RBFOX1: variants seen among roughly 807,000 people sequenced by gnomAD.
RBFOX1 encodes RNA binding fox-1 homolog 1, also known as RNA binding protein fox-1 homolog 1.
A neutral mutation model predicts 57.7 loss-of-function variants in RBFOX1; 8 were observed. The observed-to-expected ratio is 0.14, with a 90% CI of 0.08 to 0.25. RBFOX1 has a LOEUF of 0.25. Among genes scored for constraint, RBFOX1 ranks in the 10% least tolerant of loss-of-function variants. RBFOX1 has a pLI of 1.00. For synonymous variants in RBFOX1, 326 were observed against 222.4 expected (o/e 1.47, Z -4.15); for missense variants, 611 against 548.5 (o/e 1.11, Z -1.14).
chr16:6,293,901 G>T lies in RBFOX1; in HGVS notation c.-126-23094G>T, dbSNP rs56075006. Among the ~76,000 whole-genome samples, 98 of 17,618 alleles carry T rather than the reference G, an allele frequency of 5.6e-3. 1 individual carries two copies. The East Asian group carries it at 0.091, about 16-fold the overall frequency. The allele number at this position is 17,618 out of a possible 152,430, so 11.6% of individuals were successfully genotyped here. A position where few individuals can be genotyped will look rare whatever the true frequency, so the allele number is the denominator to read the frequency against. On this transcript the variant is annotated intron_variant, in intron 1 of 15. Transcript: ENST00000550418. ...CTCAGAATTCCAGGGTGAGCGGGGG[G>T]GTGGTGGAAATAGACGAATTGCAGG...
intron 3 of RBFOX1, among the ~76,000 whole-genome samples, chr16:6,660,482 G>A (rs79299055): frequency 1.6e-4 from 25 of 152,192 alleles, no homozygotes; most frequent in African/African-American, 5.8e-4. Context: ...TATTCAGGAC[G>A]TATCATGAGG....
intron 4 of RBFOX1, among the ~76,000 whole-genome samples, chr16:7,111,573 G>C (rs9925782): frequency 0.48 from 72,377 of 151,738 alleles, 17,815 homozygotes; most frequent in South Asian, 0.65. Context: ...AGCTTATCCT[G>C]TGTGTTTTAA....
At chr16:7,277,948 CAA>C (rs36027319) in intron 4 of RBFOX1, among the ~76,000 whole-genome samples, 302 of 134,352 alleles carry the variant, frequency 2.2e-3, no homozygotes, top group Middle Eastern at 7.9e-3. Context: ...AAATGATTAG[CAA>C]AAAAAAAAAA....
At chr16:7,696,525 T>TCTGCAGTCCGACC (rs2078848693) in intron 14 of RBFOX1, among the ~76,000 whole-genome samples, 1 of 152,126 alleles carries the variant, frequency 6.6e-6, no homozygotes, top group African/African-American at 2.4e-5. Flanking sequence ...AGCAAGTTAC[T>TCTGCAGTCCGACC]TAATCAGTGA....
At chr16:5,978,983 A>C (rs1162281336) in intron 4 of RBFOX1, among the ~76,000 whole-genome samples, 1 of 152,126 alleles carries the variant, frequency 6.6e-6, no homozygotes, top group Admixed American at 6.5e-5. Context: ...TAAATTAATG[A>C]GTTATGGTGC....
intron 1 of RBFOX1, among the ~76,000 whole-genome samples, chr16:6,231,239 G>GT (rs1555566198): frequency 6.0e-5 from 9 of 149,330 alleles, no homozygotes; most frequent in Middle Eastern, 3.4e-3. Flanking sequence ...TGTGTGTGTA[G>GT]GTGTGTGTGT....
chr16:5,810,922 G>T (rs796092777), intron 3 of RBFOX1, among the ~76,000 whole-genome samples: 16 of 152,210 alleles, frequency 1.1e-4, no homozygotes, highest in African/African-American at 3.9e-4. Context: ...GAGTAAAATT[G>T]GGTAAGTATT....
At chr16:7,212,797 C>G (rs548518431) in intron 4 of RBFOX1, among the ~76,000 whole-genome samples, 11 of 152,258 alleles carry the variant, frequency 7.2e-5, no homozygotes, top group African/African-American at 2.4e-4. Context: ...TGTAACAAAC[C>G]TGCATGTTCT....
At chr16:7,049,190 A>G (rs554773989) in intron 3 of RBFOX1, among the ~76,000 whole-genome samples, 26 of 152,280 alleles carry the variant, frequency 1.7e-4, no homozygotes, top group Non-Finnish European at 2.9e-4. Flanking sequence ...CCACCCAGAA[A>G]GCTGGTGGTT....
intron 7 of RBFOX1, among the ~76,000 whole-genome samples, chr16:7,593,334 G>A (rs1423425561): frequency 6.6e-6 from 1 of 152,140 alleles, no homozygotes; most frequent in Non-Finnish European, 1.5e-5. Flanking sequence ...CCAAGAGTTA[G>A]AACTGTCAAA....
At chr16:5,509,119 A>T (rs762336787) in intron 2 of RBFOX1, among the ~76,000 whole-genome samples, 2 of 152,310 alleles carry the variant, frequency 1.3e-5, no homozygotes, top group East Asian at 1.9e-4. Context: ...ACAGTGTGAG[A>T]TGTAGACATG....
chr16:5,953,028 T>G (rs1178417606), intron 4 of RBFOX1, among the ~76,000 whole-genome samples: 2 of 149,628 alleles, frequency 1.3e-5, no homozygotes, highest in East Asian at 4.0e-4. Context: ...CCAGCCTGGC[T>G]ACATGGTAGA....
intron 3 of RBFOX1, among the ~76,000 whole-genome samples, chr16:7,005,257 A>C (rs984773360): frequency 3.3e-5 from 5 of 152,098 alleles, no homozygotes; most frequent in Non-Finnish European, 7.4e-5. Flanking sequence ...CTTTCCCCTT[A>C]CCTTTCAAGA....
chr16:6,042,508 C>G (rs1173087622), intron 1 of RBFOX1, among the ~76,000 whole-genome samples: 1 of 152,104 alleles, frequency 6.6e-6, no homozygotes, highest in Non-Finnish European at 1.5e-5. Context: ...AATCCATCTG[C>G]AAACTTAATT....
Position 6,824,998 on chromosome 16 carries a change from T to G in RBFOX1, c.-16+170348T>G, listed in dbSNP as rs1243193652. ...TTCTTTCTTGGTTTTTTTTTTTTTT[T>G]TTTTTTTTTTTTTTTTGAGACGGCG... On this transcript the variant is annotated intron_variant, in intron 3 of 15. Transcript: ENST00000550418. Among the ~76,000 whole-genome samples the G allele has an allele frequency of 9.8e-4, 110 of 111,696 alleles. 2 individuals are homozygous for G. Among genetic ancestry groups the G allele is most frequent in the African/African-American group, 3.9e-3 (103 of 26,510 alleles). 73.3% of individuals were successfully genotyped at this position (111,696 alleles called of 152,430 possible).
rs547552630 is a variant in RBFOX1 at position 6,170,310 on chromosome 16, C to G, written c.-126-146685C>G. Among the ~76,000 whole-genome samples the G allele has an allele frequency of 3.3e-5, 5 of 152,204 alleles. No homozygotes were observed. In the East Asian group the frequency reaches 7.8e-4, roughly 24 times the overall value. On this transcript the variant is annotated intron_variant, in intron 1 of 15. Coordinates refer to ENST00000550418, the MANE Select transcript of RBFOX1 (RefSeq NM_018723.4). ...CTGGGTTCCACTGTAGTGTTAAGTC[C>G]TACGAGACCCTGGTCTGTCCTGCTC...
At chr16:7,207,727 G>A (rs553594169) in intron 4 of RBFOX1, among the ~76,000 whole-genome samples, 1 of 152,222 alleles carries the variant, frequency 6.6e-6, no homozygotes, top group African/African-American at 2.4e-5. Context: ...TCTCTGTAAG[G>A]CAGTTGCCTC....
intron 4 of RBFOX1, among the ~76,000 whole-genome samples, chr16:7,446,120 T>C (rs1322819697): frequency 6.6e-6 from 1 of 152,222 alleles, no homozygotes; most frequent in African/African-American, 2.4e-5. Flanking sequence ...AAAGATGCTG[T>C]GTGAAATGAC....
intron 1 of RBFOX1, among the ~76,000 whole-genome samples, chr16:5,385,776 G>A (rs945712674): frequency 1.3e-5 from 2 of 152,152 alleles, no homozygotes; most frequent in South Asian, 2.1e-4. Context: ...CTCTGCACTC[G>A]AGCAGTGGCC....
Sources: allele counts gnomAD v4.1 joint callset (sites outside exome capture counted in the v4.1 genomes callset), GRCh38; gene constraint gnomAD v4.1.1; transcripts MANE v1.5; gene names NCBI Gene and HGNC (gene_info 2026-07-23, HGNC 2026-07-21).